The following ARL17A variants were observed in gnomAD, a reference collection of about 807,000 sequenced individuals.
ARL17A encodes the protein ARF like GTPase 17A, also known as ADP-ribosylation factor-like 17-like.
chr17:46,534,865 A>T (rs2054384182), intron 4 of ARL17A, among the ~76,000 whole-genome samples: 1 of 149,228 alleles, frequency 6.7e-6, no homozygotes, highest in Admixed American at 6.6e-5. Context: ...GCTGCCGGGC[A>T]GAGGGGCTCC....
intron 4 of ARL17A, among the ~76,000 whole-genome samples, chr17:46,532,740 TATA>T (rs1323398569): frequency 1.4e-5 from 2 of 146,646 alleles, no homozygotes; most frequent in Non-Finnish European, 3.0e-5. Context: ...TTATTCATAT[TATA>T]ATCCTTTTTA....
chr17:46,533,831 C>T (rs1221937750), intron 4 of ARL17A, among the ~76,000 whole-genome samples: 1 of 94,296 alleles, frequency 1.1e-5, no homozygotes, highest in Non-Finnish European at 1.9e-5. Context: ...TGCAGATTCA[C>T]GTTAGTACTC....
intron 3 of ARL17A, among the ~76,000 whole-genome samples, chr17:46,542,526 G>GAT (rs879872588): frequency 8.9e-5 from 13 of 145,960 alleles, no homozygotes; most frequent in Non-Finnish European, 1.5e-4. Context: ...TATATATATA[G>GAT]ATATAGATAT....
rs1443855773 is a variant in ARL17A, at chr17:46,552,777, A to G, written c.*4579T>C. On this transcript the variant is annotated 3_prime_UTR_variant, in exon 4 of 4. Coordinates refer to ENST00000336125, the MANE Select transcript of ARL17A (RefSeq NM_001113738.2). ...TGTCAACAATGTACAATATGTATAC[A>G]TTTTATTAGTGATGACTTAAATTAC... is the stretch of plus-strand genomic sequence containing the variant. 1 of 113,840 alleles carries G rather than the reference A, an allele frequency of 8.8e-6. No homozygotes were observed. Among genetic ancestry groups the G allele is most frequent in the African/African-American group, 3.7e-5 (1 of 27,240 alleles). The allele number at this position is 113,840 out of a possible 1,614,324, so 7.1% of individuals were successfully genotyped here.
chr17:46,525,626 C>A (rs1221398543), downstream of ARL17A, among the ~76,000 whole-genome samples: 112 of 120,966 alleles, frequency 9.3e-4, 2 homozygotes, highest in African/African-American at 2.1e-3. Flanking sequence ...TCATCATCAT[C>A]ATCATCATCA....
downstream of ARL17A, chr17:46,548,301 T>C (rs1252202031): frequency 6.9e-6 from 3 of 435,218 alleles, no homozygotes; most frequent in Non-Finnish European, 1.1e-5. Flanking sequence ...CAGTCTCTTC[T>C]TTTTTGACAG....
the ARL17A span, among the ~76,000 whole-genome samples, chr17:46,501,090 G>C: frequency 2.6e-5 from 4 of 151,428 alleles, 1 homozygote; most frequent in African/African-American, 9.8e-5. Flanking sequence ...GAATATCCCT[G>C]TGTTGCCCAG....
At chr17:46,537,077 ATTTTTTTTTTTTTTTTTTT>A (rs766255014) in intron 4 of ARL17A, among the ~76,000 whole-genome samples, 5 of 34,830 alleles carry the variant, frequency 1.4e-4, no homozygotes, top group African/African-American at 2.0e-4. Context: ...ATTGTGGTCA[ATTTTTTTTTTTTTTTTTTT>A]TTTTTTTTTT....
downstream of ARL17A, among the ~76,000 whole-genome samples, chr17:46,526,533 G>C (rs1301510849): frequency 9.6e-6 from 1 of 104,656 alleles, no homozygotes; most frequent in African/African-American, 3.7e-5. Flanking sequence ...GTTTTTACTA[G>C]ATAAGGCTCA....
chr17:46,541,652 TCAACGAAC>T (rs1437716580), intron 3 of ARL17A, among the ~76,000 whole-genome samples: 1 of 150,842 alleles, frequency 6.6e-6, no homozygotes, highest in East Asian at 1.9e-4. Context: ...ATCCATAGAT[TCAACGAAC>T]CATGGATGGG....
At chr17:46,525,496 A>G (rs1363859146), downstream of ARL17A, among the ~76,000 whole-genome samples, 5 of 111,760 alleles carry the variant, frequency 4.5e-5, 1 homozygote, top group African/African-American at 1.6e-4. Context: ...CTGAGGCAGG[A>G]GAATCACTTG....
At chr17:46,532,206 GA>G (rs1421872961) in intron 4 of ARL17A, among the ~76,000 whole-genome samples, 1 of 148,478 alleles carries the variant, frequency 6.7e-6, no homozygotes, top group Non-Finnish European at 1.5e-5. Context: ...GCCAATAAAT[GA>G]AAACTTTTTC....
intron 3 of ARL17A, among the ~76,000 whole-genome samples, chr17:46,541,174 T>C (rs1351657296): frequency 1.4e-5 from 2 of 144,574 alleles, no homozygotes; most frequent in Admixed American, 1.4e-4. Context: ...TCCTATACTT[T>C]TGCCTTTTCC....
At chr17:46,503,219 AAAAAAAAT>A in the ARL17A span, among the ~76,000 whole-genome samples, 1 of 131,102 alleles carries the variant, frequency 7.6e-6, no homozygotes. Flanking sequence ...CTCAAAAAAA[AAAAAAAAT>A]AGTCTTCATT....
chr17:46,529,449 CTTAGT>C (rs2053325451), intron 4 of ARL17A, among the ~76,000 whole-genome samples: 1 of 107,194 alleles, frequency 9.3e-6, no homozygotes, highest in South Asian at 3.0e-4. Context: ...GTCAGTGCAC[CTTAGT>C]TTAATGTATA....
intron 3 of ARL17A, chr17:46,540,115 C>G: frequency 1.3e-6 from 2 of 1,573,374 alleles, no homozygotes; most frequent in Non-Finnish European, 1.7e-6. Flanking sequence ...TGAATGTAAA[C>G]TTTTCATGCA....
At chr17:46,551,700 GCC>G (rs2056842746), downstream of ARL17A, among the ~76,000 whole-genome samples, 1 of 145,730 alleles carries the variant, frequency 6.9e-6, no homozygotes, top group Non-Finnish European at 1.5e-5. Flanking sequence ...GATCGCTTGA[GCC>G]TGGGAGGTCG....
the ARL17A span, among the ~76,000 whole-genome samples, chr17:46,501,548 A>G: frequency 6.6e-6 from 1 of 151,176 alleles, no homozygotes; most frequent in Admixed American, 6.6e-5. Flanking sequence ...TATAAAGGAG[A>G]CTTTATCATC....
intron 4 of ARL17A, among the ~76,000 whole-genome samples, chr17:46,533,036 G>A (rs1438169950): frequency 3.3e-5 from 4 of 121,926 alleles, no homozygotes; most frequent in Non-Finnish European, 6.7e-5. Context: ...CCGGGAGATC[G>A]GTGCTGCAGT....
Sources: gnomAD v4.1 joint callset for allele counts (sites outside exome capture counted in the v4.1 genomes callset) on GRCh38, gnomAD v4.1.1 for gene constraint, MANE v1.5 for transcripts, NCBI Gene and HGNC (gene_info 2026-07-23, HGNC 2026-07-21) for gene names.